Variants in NELL1 observed in about 807,000 individuals in gnomAD.
The protein encoded by NELL1 is neural EGFL like 1, also known as protein kinase C-binding protein NELL1.
NELL1 carries 76 observed loss-of-function variants against 107.4 expected under a neutral mutation model. The observed-to-expected ratio is 0.71, with a 90% CI of 0.59 to 0.86. The LOEUF (loss-of-function observed/expected upper bound fraction) is 0.86. Among genes scored for constraint, NELL1 ranks in the 40% least tolerant of loss-of-function variants. NELL1 has a pLI of 0.00. For missense variants in NELL1, 1,024 were observed against 1,005.5 expected (o/e 1.02, Z -0.25); for synonymous variants, 353 against 341.2 (o/e 1.03, Z -0.38).
At position 20,823,233 on chromosome 11, in the gene NELL1, C is replaced by A. The variant is rs866991325; in HGVS notation, c.336-24350C>A. 5.3e-5 allele frequency among the ~76,000 whole-genome samples: 8 copies of A among 151,382 alleles called. 1 individual carries two copies. The Middle Eastern group carries it at 0.01, about 196-fold the overall frequency. On this transcript the variant is annotated intron_variant, in intron 3 of 19. Transcript: ENST00000357134. ...GAGCTGCATCTTACATGAATGGTAG[C>A]AGGCAGAGAGAATGAGGAAGATGCA...
At chr11:21,565,153 C>A (rs1274751665) in intron 17 of NELL1, among the ~76,000 whole-genome samples, 36 of 151,916 alleles carry the variant, frequency 2.4e-4, no homozygotes, top group Admixed American at 2.3e-3. Flanking sequence ...AAATATTTTC[C>A]TGTCTGTGGT....
chr11:20,981,763 T>C (rs1421273853), intron 12 of NELL1, among the ~76,000 whole-genome samples: 3 of 152,148 alleles, frequency 2.0e-5, no homozygotes, highest in African/African-American at 7.2e-5. Context: ...TGTTGGTATA[T>C]AAAAGGGCCA....
At chr11:20,914,960 G>A (rs919469753) in intron 5 of NELL1, among the ~76,000 whole-genome samples, 3 of 151,972 alleles carry the variant, frequency 2.0e-5, no homozygotes, top group African/African-American at 7.2e-5. Flanking sequence ...TGCCCCACAT[G>A]ATCTTCACAG....
chr11:20,975,794 T>C (rs1396825134), intron 12 of NELL1, among the ~76,000 whole-genome samples: 1 of 136,530 alleles, frequency 7.3e-6, no homozygotes, highest in Non-Finnish European at 1.5e-5. Flanking sequence ...ATTATATATG[T>C]ATTATATGAT....
intron 5 of NELL1, among the ~76,000 whole-genome samples, chr11:20,911,789 T>C (rs1850137175): frequency 6.6e-6 from 1 of 152,160 alleles, no homozygotes; most frequent in Non-Finnish European, 1.5e-5. Flanking sequence ...CTTTCAAAAC[T>C]CATCTTCTCC....
At chr11:20,960,898 T>C (rs1851276697) in intron 12 of NELL1, among the ~76,000 whole-genome samples, 2 of 152,224 alleles carry the variant, frequency 1.3e-5, no homozygotes. Context: ...GAGATTGCCA[T>C]CTTCATATTT....
chr11:20,723,362 C>T (rs1855435833), intron 2 of NELL1, among the ~76,000 whole-genome samples: 1 of 152,174 alleles, frequency 6.6e-6, no homozygotes, highest in Non-Finnish European at 1.5e-5. Context: ...GGGGTGCAGG[C>T]ATTGGGTAAA....
intron 15 of NELL1, 135 bp from the exon 16 acceptor site, chr11:21,534,239 T>C (rs1487948729): frequency 1.1e-6 from 1 of 942,548 alleles, no homozygotes; most frequent in Admixed American, 2.2e-5. Flanking sequence ...ATTTGCTTCT[T>C]CCAGTGACTT....
intron 15 of NELL1, among the ~76,000 whole-genome samples, chr11:21,453,715 CT>C (rs1853645263): frequency 6.6e-6 from 1 of 151,474 alleles, no homozygotes; most frequent in Non-Finnish European, 1.5e-5. Context: ...TTCTTTTTCC[CT>C]TTTTTCCCAC....
At chr11:21,212,613 A>G (rs911625660) in intron 13 of NELL1, among the ~76,000 whole-genome samples, 3 of 152,168 alleles carry the variant, frequency 2.0e-5, no homozygotes, top group African/African-American at 7.2e-5. Context: ...ATGCAGAAAC[A>G]TGGAGACTCA....
chr11:20,987,112 CAT>C (rs1851869659), intron 12 of NELL1, among the ~76,000 whole-genome samples: 1 of 152,054 alleles, frequency 6.6e-6, no homozygotes, highest in South Asian at 2.1e-4. Context: ...AAGGAAACCC[CAT>C]AAGGCTGAAA....
intron 4 of NELL1, among the ~76,000 whole-genome samples, chr11:20,860,522 C>G (rs1369696786): frequency 2.0e-5 from 3 of 152,192 alleles, no homozygotes; most frequent in African/African-American, 7.2e-5. Context: ...CATTTCTACT[C>G]AGTCCACCTG....
intron 15 of NELL1, among the ~76,000 whole-genome samples, chr11:21,408,004 C>A (rs1206540764): frequency 1.3e-5 from 2 of 151,884 alleles, no homozygotes; most frequent in Non-Finnish European, 2.9e-5. Context: ...AATAGAGCTT[C>A]CCTTTCTTTT....
At chr11:21,026,026 C>T (rs368306908) in intron 12 of NELL1, among the ~76,000 whole-genome samples, 24 of 152,272 alleles carry the variant, frequency 1.6e-4, no homozygotes, top group East Asian at 3.9e-4. Flanking sequence ...GTCACATCTT[C>T]GCATTTTTAT....
At chr11:20,934,502 TAGG>T (rs1187880957) in intron 9 of NELL1, among the ~76,000 whole-genome samples, 1 of 152,206 alleles carries the variant, frequency 6.6e-6, no homozygotes, top group African/African-American at 2.4e-5. Flanking sequence ...ATCTCCAGAT[TAGG>T]AGTTTTGGGA....
chr11:21,482,003 A>G (rs1227246977), intron 15 of NELL1, among the ~76,000 whole-genome samples: 1 of 152,128 alleles, frequency 6.6e-6, no homozygotes, highest in East Asian at 1.9e-4. Flanking sequence ...ATAGTTTATA[A>G]TTCCCCTCCC....
chr11:21,035,386 A>G lies in NELL1; in HGVS notation c.1300+74826A>G, dbSNP rs145285043. Among the ~76,000 whole-genome samples the G allele has an allele frequency of 1.3e-3, 192 of 152,172 alleles. 1 individual carries two copies. Among genetic ancestry groups the G allele is most frequent in the African/African-American group, 4.5e-3 (189 of 41,540 alleles). On this transcript the variant is annotated intron_variant, in intron 12 of 19. Transcript: ENST00000357134. Reference sequence around the variant, plus strand: ...TCTAACATGCTATGAGGCCAGCATCATCCTAATACCAAAACCTGGTAGAGA... The same window carrying G: ...TCTAACATGCTATGAGGCCAGCATCGTCCTAATACCAAAACCTGGTAGAGA...
chr11:21,368,111 G>A (rs754630109), intron 14 of NELL1, among the ~76,000 whole-genome samples: 8 of 152,046 alleles, frequency 5.3e-5, no homozygotes, highest in Non-Finnish European at 1.0e-4. Flanking sequence ...AGTATTTTAT[G>A]TTTTTGATGA....
At chr11:21,156,492 T>G (rs1856237715) in intron 13 of NELL1, among the ~76,000 whole-genome samples, 1 of 150,352 alleles carries the variant, frequency 6.7e-6, no homozygotes, top group Non-Finnish European at 1.5e-5. Context: ...GAGAGAGGAG[T>G]CTGTAGTTTG....
Sources: allele counts gnomAD v4.1 joint callset (sites outside exome capture counted in the v4.1 genomes callset), GRCh38; gene constraint gnomAD v4.1.1; transcripts MANE v1.5; gene names NCBI Gene and HGNC (gene_info 2026-07-23, HGNC 2026-07-21).